The following NFIX variants were observed in gnomAD, a reference collection of about 807,000 sequenced individuals.
NFIX encodes the protein nuclear factor 1 X-type.
Under a neutral mutation model 53.3 loss-of-function variants are expected in NFIX, and 2 were observed. That is an observed-to-expected ratio of 0.04 (90% confidence interval 0.02 to 0.12). NFIX has a LOEUF of 0.12. Among genes scored for constraint, NFIX ranks in the 10% least tolerant of loss-of-function variants. The pLI is 1.00. For synonymous variants in NFIX, 244 were observed against 289.0 expected, an observed-to-expected ratio of 0.84 and a Z score of 1.58; for missense variants, 310 against 674.5, an observed-to-expected ratio of 0.46 and a Z score of 5.99.
intron 2 of NFIX, among the ~76,000 whole-genome samples, chr19:13,055,626 G>T (rs948986804): frequency 2.0e-4 from 31 of 152,322 alleles, no homozygotes; most frequent in Admixed American, 2.0e-3. Context: ...CCTCAGGGCT[G>T]GGGGAGGGGG....
intron 2 of NFIX, among the ~76,000 whole-genome samples, chr19:13,055,810 G>A (rs1259414986): frequency 6.6e-6 from 1 of 152,220 alleles, no homozygotes; most frequent in African/African-American, 2.4e-5. Flanking sequence ...CTGTAGGGCA[G>A]GCCAGGAGGG....
intron 1 of NFIX, among the ~76,000 whole-genome samples, chr19:13,000,512 C>T (rs2011638432): frequency 6.9e-6 from 1 of 145,822 alleles, no homozygotes; most frequent in Non-Finnish European, 1.5e-5. Flanking sequence ...GTAGGCCAAG[C>T]AGAGGGTGGC....
At chr19:13,085,845 G>A (rs1174076470) in intron 8 of NFIX, among the ~76,000 whole-genome samples, 1 of 152,224 alleles carries the variant, frequency 6.6e-6, no homozygotes, top group Admixed American at 6.5e-5. Flanking sequence ...ACTTTAAAGT[G>A]CAGCAGGAAG....
At chr19:13,074,052 A>G (rs1202146230) in intron 5 of NFIX, 26 bp downstream of exon 5, 2 of 1,612,642 alleles carry the variant, frequency 1.2e-6, no homozygotes, top group African/African-American at 1.3e-5. Context: ...CTGCCTTTCC[A>G]TCTTCTCTCC....
At chr19:13,042,583 C>T (rs953208743) in intron 2 of NFIX, among the ~76,000 whole-genome samples, 4 of 152,012 alleles carry the variant, frequency 2.6e-5, no homozygotes, top group African/African-American at 9.7e-5. Flanking sequence ...GTCTTGAACT[C>T]CTGGCTGCAA....
At chr19:13,056,509 A>G (rs1052172035) in intron 2 of NFIX, among the ~76,000 whole-genome samples, 3 of 152,130 alleles carry the variant, frequency 2.0e-5, no homozygotes, top group Non-Finnish European at 4.4e-5. Context: ...GGGTGTTAGG[A>G]GCACTTTGTT....
chr19:13,088,264 C>T lies in NFIX; in HGVS notation c.1402+128C>T, dbSNP rs377047967. 2 of 1,191,930 alleles carry T rather than the reference C, an allele frequency of 1.7e-6. No homozygotes were observed. The highest frequency in any genetic ancestry group is 3.1e-5 in the African/African-American group (2 of 64,896). The allele number at this position is 1,191,930 out of a possible 1,614,324, so 73.8% of individuals were successfully genotyped here. A position where few individuals can be genotyped will look rare whatever the true frequency, so the allele number is the denominator to read the frequency against. Reference sequence around the variant, plus strand: ...GCCCCCCAACCCAGAGCACCATGGACAAGAGCAGAGCCGAGCCCCCCAACC... The same window carrying T: ...GCCCCCCAACCCAGAGCACCATGGATAAGAGCAGAGCCGAGCCCCCCAACC... On this transcript the variant is annotated intron_variant, in intron 9 of 10. Coordinates refer to ENST00000592199, the MANE Select transcript of NFIX (RefSeq NM_001365902.3). The surrounding 1 kb of genome is among the most constrained non-coding windows in gnomAD (Gnocchi z 5.9).
At chr19:13,010,327 C>A (rs1264214662) in intron 1 of NFIX, among the ~76,000 whole-genome samples, 5 of 152,252 alleles carry the variant, frequency 3.3e-5, no homozygotes, top group African/African-American at 1.2e-4. Context: ...CCTGGCCCTG[C>A]GGCCCCGAAG....
intron 1 of NFIX, among the ~76,000 whole-genome samples, chr19:13,023,345 CCT>C (rs776575384): frequency 1.3e-5 from 2 of 151,814 alleles, no homozygotes; most frequent in Admixed American, 6.6e-5. Context: ...TCCCTCGCTC[CCT>C]CTCTCTCTTT....
intron 8 of NFIX, among the ~76,000 whole-genome samples, chr19:13,087,774 C>CAAAAAAAAAAAAA (rs1157966190): frequency 1.5e-4 from 4 of 26,392 alleles, no homozygotes; most frequent in Non-Finnish European, 1.3e-4. Flanking sequence ...AAAAGAGGAC[C>CAAAAAAAAAAAAA]AAAAAAAAAA....
chr19:13,034,992 G>A (rs2014082680), intron 2 of NFIX, among the ~76,000 whole-genome samples: 1 of 152,146 alleles, frequency 6.6e-6, no homozygotes, highest in Non-Finnish European at 1.5e-5. Context: ...TAGAGTTTTA[G>A]CGGAATCTCT....
intron 2 of NFIX, among the ~76,000 whole-genome samples, chr19:13,055,259 C>T (rs1462242973): frequency 7.8e-6 from 1 of 128,374 alleles, no homozygotes; most frequent in Non-Finnish European, 1.6e-5. Context: ...TAGAGGTTGG[C>T]CCCCACAGGC....
At chr19:13,084,314 T>A (rs1477327656) in intron 8 of NFIX, among the ~76,000 whole-genome samples, 2 of 152,050 alleles carry the variant, frequency 1.3e-5, no homozygotes, top group African/African-American at 2.4e-5. Context: ...CGTGGTGGCG[T>A]GTGCCTGTAG....
chr19:13,037,433 G>A lies in NFIX; in HGVS notation c.559+11881G>A, dbSNP rs966367061. 2.6e-5 allele frequency among the ~76,000 whole-genome samples: 4 copies of A among 152,192 alleles called. No homozygotes were observed. The highest frequency in any genetic ancestry group is 7.2e-5 in the African/African-American group (3 of 41,434). ...CAGAGAGCCTCGTGGAAGTAATGGCGCTGAGAGATGGCGCCTGGGGAAGAA... is the reference window on the plus strand; with the variant it reads ...CAGAGAGCCTCGTGGAAGTAATGGCACTGAGAGATGGCGCCTGGGGAAGAA... On this transcript the variant is annotated intron_variant, in intron 2 of 10. Coordinates refer to ENST00000592199, the MANE Select transcript of NFIX (RefSeq NM_001365902.3). The surrounding 1 kb of genome is among the most constrained non-coding windows in gnomAD (Gnocchi z 4.2).
intron 1 of NFIX, among the ~76,000 whole-genome samples, chr19:12,997,493 A>G (rs1599693486): frequency 6.6e-6 from 1 of 151,868 alleles, no homozygotes; most frequent in Non-Finnish European, 1.5e-5. Flanking sequence ...AGTGTGGGGA[A>G]CCCCCACATC....
rs1288209370 is a variant in NFIX, at chr19:13,022,813, C to T, written c.28-2208C>T. 6.6e-5 allele frequency among the ~76,000 whole-genome samples: 10 copies of T among 152,090 alleles called. No homozygotes were observed. Among genetic ancestry groups the T allele is most frequent in the South Asian group, 2.1e-4 (1 of 4,822 alleles). On this transcript the variant is annotated intron_variant, in intron 1 of 10. Transcript: ENST00000592199. The surrounding 1 kb of genome is among the most constrained non-coding windows in gnomAD (Gnocchi z 4.5). Reference sequence around the variant, plus strand: ...CCACAATCCCAGTCCCCCCCAATGCCCCACCCCACCCCCAGATTTGCTGGG... The same window carrying T: ...CCACAATCCCAGTCCCCCCCAATGCTCCACCCCACCCCCAGATTTGCTGGG...
chr19:13,071,411 T>A (rs1351263798), intron 2 of NFIX: 1 of 152,118 alleles, frequency 6.6e-6, no homozygotes, highest in Non-Finnish European at 1.5e-5. Flanking sequence ...GGCTGCCCTC[T>A]CAGGGAACAT....
At chr19:13,030,349 A>G (rs2013703406) in intron 2 of NFIX, among the ~76,000 whole-genome samples, 1 of 152,226 alleles carries the variant, frequency 6.6e-6, no homozygotes, top group Admixed American at 6.5e-5. Context: ...TAAACCAGCT[A>G]ATATGTAAAG....
At position 13,052,473 on chromosome 19, in the gene NFIX, G is replaced by GC. The variant is rs1010537811; in HGVS notation, c.560-20573dup. Among the ~76,000 whole-genome samples, 1 of 152,202 alleles carries GC rather than the reference G, an allele frequency of 6.6e-6. No homozygotes were observed. On this transcript the variant is annotated intron_variant, in intron 2 of 10. Coordinates refer to ENST00000592199, the MANE Select transcript of NFIX (RefSeq NM_001365902.3). This position sits in a 1 kb window ranked among gnomAD's most constrained non-coding sequence, Gnocchi z 5.2. ...CTGGTGACGATGCAGGAGCTGCCAG[G>GC]CAGGACCACCATGAGTCACTGGGGG...
Sources: gnomAD v4.1 joint callset for allele counts (sites outside exome capture counted in the v4.1 genomes callset) on GRCh38, gnomAD v4.1.1 for gene constraint, Gnocchi (gnomAD v3.1) non-coding constraint, MANE v1.5 for transcripts, NCBI Gene and HGNC (gene_info 2026-07-23, HGNC 2026-07-21) for gene names.